The following XKR6 variants were observed in gnomAD, a reference collection of about 807,000 sequenced individuals.
XKR6 encodes XK related 6.
A neutral mutation model predicts 56.7 loss-of-function variants in XKR6; 22 were observed. The observed-to-expected ratio is 0.39, with a 90% CI of 0.28 to 0.55. The LOEUF is 0.55. XKR6 is among the 20% of genes least tolerant of loss of function. The probability of loss-of-function intolerance (pLI) is 0.66; values close to 1 mark genes in which losing one functional copy is unlikely to be tolerated. For missense variants in XKR6, 852 were observed against 889.0 expected (o/e 0.96, Z 0.53); for synonymous variants, 524 against 387.8 (o/e 1.35, Z -4.13).
At chr8:11,000,531 A>C (rs112396174) in intron 1 of XKR6, among the ~76,000 whole-genome samples, 1 of 152,096 alleles carries the variant, frequency 6.6e-6, no homozygotes, top group African/African-American at 2.4e-5. Context: ...CTAAAAATGC[A>C]AAAATTAGCC....
At chr8:10,984,718 C>CTATATATG (rs1563328065) in intron 1 of XKR6, among the ~76,000 whole-genome samples, 1 of 85,014 alleles carries the variant, frequency 1.2e-5, no homozygotes, top group African/African-American at 5.2e-5. Flanking sequence ...CTCTCTCTCT[C>CTATATATG]TCTCTCTCTC....
Position 10,996,359 on chromosome 8 carries a change from T to C in XKR6, c.765-71529A>G, listed in dbSNP as rs563242490. Among the ~76,000 whole-genome samples the C allele has an allele frequency of 6.6e-5, 10 of 152,328 alleles. No individual in the cohort carries two copies. In the South Asian group the frequency reaches 1.7e-3, roughly 25 times the overall value. ...AATTTCTGCCGCTGCTGACAATATC[T>C]TGTTACTGCTCCCAGGTAATTTGAG... On this transcript the variant is annotated intron_variant, in intron 1 of 2. Transcript: ENST00000416569.
intron 1 of XKR6, among the ~76,000 whole-genome samples, chr8:11,024,019 C>T (rs1798804746): frequency 6.6e-6 from 1 of 152,190 alleles, no homozygotes; most frequent in African/African-American, 2.4e-5. Context: ...TGCGTCACAA[C>T]ACCACGCAGC....
chr8:11,198,163 T>C (rs758193961), intron 1 of XKR6, among the ~76,000 whole-genome samples: 50 of 152,226 alleles, frequency 3.3e-4, no homozygotes, highest in African/African-American at 1.1e-3. Flanking sequence ...AAGCAATTGT[T>C]TGCCGAAAGA....
chr8:11,037,946 G>C (rs1020245546), intron 1 of XKR6, among the ~76,000 whole-genome samples: 2 of 150,464 alleles, frequency 1.3e-5, no homozygotes, highest in Admixed American at 1.3e-4. Context: ...AGAATTGCTT[G>C]AACCCAGGAG....
At chr8:11,180,329 G>A (rs1184758927) in intron 1 of XKR6, among the ~76,000 whole-genome samples, 1 of 152,094 alleles carries the variant, frequency 6.6e-6, no homozygotes, top group African/African-American at 2.4e-5. Context: ...GTCCAGGTCA[G>A]GTTTCTTAAC....
At chr8:11,030,223 G>C (rs1798960811) in intron 1 of XKR6, among the ~76,000 whole-genome samples, 1 of 152,142 alleles carries the variant, frequency 6.6e-6, no homozygotes, top group African/African-American at 2.4e-5. Context: ...ACAGTCCCCT[G>C]GCCTGGACTG....
Position 11,031,978 on chromosome 8 carries a change from C to G in XKR6, c.765-107148G>C, listed in dbSNP as rs531227791. ...CCCCCAGCAGGCAGCCTCTGCCTAG[C>G]CACAGCTGTTTCCAAGCAGGTGTGC... is the stretch of plus-strand genomic sequence containing the variant. On this transcript the variant is annotated intron_variant, in intron 1 of 2. Transcript: ENST00000416569. 3.9e-5 allele frequency among the ~76,000 whole-genome samples: 6 copies of G among 152,302 alleles called. No individual in the cohort carries two copies. The South Asian group carries it at 1.2e-3, about 32-fold the overall frequency.
chr8:11,144,993 A>C (rs1028349825), intron 1 of XKR6, among the ~76,000 whole-genome samples: 2 of 131,574 alleles, frequency 1.5e-5, no homozygotes, highest in African/African-American at 3.0e-5. Context: ...GGGATGGAGA[A>C]AGGGAGAAGG....
At chr8:10,937,906 C>T (rs1228924506) in intron 1 of XKR6, among the ~76,000 whole-genome samples, 8 of 151,906 alleles carry the variant, frequency 5.3e-5, no homozygotes, top group Non-Finnish European at 1.2e-4. Flanking sequence ...AGGCAGGCCT[C>T]CTTGAGCTGT....
chr8:10,992,139 T>G (rs533471317), intron 1 of XKR6, among the ~76,000 whole-genome samples: 2 of 152,332 alleles, frequency 1.3e-5, no homozygotes, highest in South Asian at 4.1e-4. Context: ...AGCAGCCTGA[T>G]GATATCATCA....
At chr8:11,109,602 C>G (rs374147045) in intron 1 of XKR6, 1 of 152,248 alleles carries the variant, frequency 6.6e-6, no homozygotes, top group South Asian at 2.1e-4. Context: ...CACTTTAAGT[C>G]AGCTCTGGGC....
intron 2 of XKR6, among the ~76,000 whole-genome samples, chr8:10,913,628 C>T (rs1444895716): frequency 2.0e-5 from 3 of 152,216 alleles, no homozygotes; most frequent in African/African-American, 4.8e-5. Context: ...ACGATCACTG[C>T]AGCTCAGGGA....
At chr8:10,912,155 G>T (rs562864261) in intron 2 of XKR6, among the ~76,000 whole-genome samples, 64 of 147,536 alleles carry the variant, frequency 4.3e-4, no homozygotes, top group Non-Finnish European at 2.5e-4. Flanking sequence ...TATAGAGAGA[G>T]TATATGTATA....
chr8:11,193,831 T>C (rs1006078910), intron 1 of XKR6, among the ~76,000 whole-genome samples: 1 of 150,018 alleles, frequency 6.7e-6, no homozygotes, highest in African/African-American at 2.5e-5. Flanking sequence ...TATATTGCTT[T>C]AGCTTAATCT....
intron 1 of XKR6, among the ~76,000 whole-genome samples, chr8:11,126,822 G>A (rs1028220816): frequency 2.6e-5 from 4 of 152,158 alleles, no homozygotes; most frequent in African/African-American, 9.7e-5. Flanking sequence ...TGGGGCCGAT[G>A]TATGTGCCCC....
chr8:11,199,185 C>T (rs1259594675), intron 1 of XKR6, among the ~76,000 whole-genome samples: 1 of 152,188 alleles, frequency 6.6e-6, no homozygotes. Context: ...CCTAGAAAGG[C>T]TAGTAAACAA....
intron 1 of XKR6, among the ~76,000 whole-genome samples, chr8:11,043,240 A>C (rs1380367695): frequency 2.6e-5 from 4 of 151,776 alleles, no homozygotes; most frequent in Non-Finnish European, 4.4e-5. Context: ...AAAGATGAAC[A>C]CTCTTAGCGT....
chr8:11,078,142 G>A (rs1185109186), intron 1 of XKR6, among the ~76,000 whole-genome samples: 2 of 152,228 alleles, frequency 1.3e-5, no homozygotes, highest in Admixed American at 6.5e-5. Flanking sequence ...CTCATGGAGT[G>A]TACTGGGAAG....
Sources: gnomAD v4.1 joint callset for allele counts (sites outside exome capture counted in the v4.1 genomes callset) on GRCh38, gnomAD v4.1.1 for gene constraint, MANE v1.5 for transcripts, NCBI Gene and HGNC (gene_info 2026-07-23, HGNC 2026-07-21) for gene names.